The following DTNA variants were observed in gnomAD, a reference collection of about 807,000 sequenced individuals.
DTNA encodes dystrobrevin alpha.
A neutral mutation model predicts 100.7 loss-of-function variants in DTNA; 43 were observed. The observed-to-expected ratio is 0.43, with a 90% confidence interval of 0.33 to 0.55. DTNA has a LOEUF of 0.55. Among genes scored for constraint, DTNA ranks in the 20% least tolerant of loss-of-function variants. The pLI is 0.04. For synonymous variants in DTNA, 349 were observed against 347.9 expected, an observed-to-expected ratio of 1.00 and a Z score of -0.04; for missense variants, 798 against 953.9, an observed-to-expected ratio of 0.84 and a Z score of 2.15.
At chr18:34,549,459 TA>T (rs574848755) in intron 1 of DTNA, among the ~76,000 whole-genome samples, 1 of 151,998 alleles carries the variant, frequency 6.6e-6, no homozygotes, top group East Asian at 1.9e-4. Flanking sequence ...TAATGTTAAT[TA>T]AAAAGCTTCC....
intron 3 of DTNA, among the ~76,000 whole-genome samples, chr18:34,779,488 C>T (rs1342169190): frequency 1.3e-5 from 2 of 152,090 alleles, no homozygotes; most frequent in African/African-American, 4.8e-5. Context: ...TGGCCTAAAC[C>T]CAGTTTTTAT....
intron 8 of DTNA, chr18:34,818,747 A>G (rs1299006384): frequency 8.9e-6 from 6 of 674,468 alleles, no homozygotes; most frequent in Non-Finnish European, 1.2e-5. Flanking sequence ...TAAGTGCGTG[A>G]CTAGAATATT....
intron 1 of DTNA, among the ~76,000 whole-genome samples, chr18:34,588,924 A>G (rs2049408957): frequency 2.6e-5 from 4 of 151,628 alleles, no homozygotes; most frequent in Admixed American, 2.6e-4. Flanking sequence ...TTTTATAAAA[A>G]CTATCATTGT....
intron 9 of DTNA, among the ~76,000 whole-genome samples, chr18:34,823,096 C>G (rs1209169358): frequency 6.6e-6 from 1 of 152,034 alleles, no homozygotes; most frequent in East Asian, 1.9e-4. Flanking sequence ...GTTTCTTTTT[C>G]AAATGCTATT....
At chr18:34,821,517 C>T (rs2095717228) in intron 9 of DTNA, 2 of 456,276 alleles carry the variant, frequency 4.4e-6, no homozygotes, top group South Asian at 3.1e-5. Context: ...AACAAACAGT[C>T]CTTCCAGCCA....
intron 1 of DTNA, among the ~76,000 whole-genome samples, chr18:34,493,741 G>T (rs1329998284): frequency 4.7e-5 from 7 of 148,850 alleles, no homozygotes. Context: ...GGACACAGGC[G>T]GCTCGGCGCT....
At chr18:34,870,489 G>T (rs2096754493) in intron 17 of DTNA, among the ~76,000 whole-genome samples, 1 of 152,124 alleles carries the variant, frequency 6.6e-6, no homozygotes, top group Non-Finnish European at 1.5e-5. Flanking sequence ...GCAATATAAA[G>T]ATGATCGTCT....
intron 7 of DTNA, 104 bp from the exon 8 acceptor site, chr18:34,818,060 C>T (rs879040994): frequency 2.4e-5 from 39 of 1,600,816 alleles, no homozygotes; most frequent in African/African-American, 2.1e-4. Flanking sequence ...CATCTGAAAT[C>T]GTGGTGCAGA....
chr18:34,497,840 A>G (rs1206871166), intron 1 of DTNA, among the ~76,000 whole-genome samples: 2 of 152,216 alleles, frequency 1.3e-5, no homozygotes, highest in African/African-American at 4.8e-5. Context: ...TATATTATGT[A>G]TTTTTTAATT....
At chr18:34,878,668 C>T (rs1437143975) in intron 19 of DTNA, among the ~76,000 whole-genome samples, 4 of 152,160 alleles carry the variant, frequency 2.6e-5, no homozygotes, top group Non-Finnish European at 5.9e-5. Flanking sequence ...TTTGCAATGT[C>T]TCTGAAGATA....
chr18:34,597,367 C>T (rs1258269042), intron 1 of DTNA, among the ~76,000 whole-genome samples: 1 of 152,150 alleles, frequency 6.6e-6, no homozygotes, highest in Non-Finnish European at 1.5e-5. Flanking sequence ...AAATCCCGTG[C>T]TTTCCATTCT....
chr18:34,785,903 G>T (rs1330545693), intron 3 of DTNA, among the ~76,000 whole-genome samples: 2 of 152,164 alleles, frequency 1.3e-5, no homozygotes, highest in Non-Finnish European at 2.9e-5. Context: ...AACACTTATT[G>T]TATGAGAGAA....
intron 1 of DTNA, among the ~76,000 whole-genome samples, chr18:34,551,223 A>G (rs944987669): frequency 1.3e-5 from 2 of 152,128 alleles, no homozygotes; most frequent in African/African-American, 2.4e-5. Flanking sequence ...TTCCCACTCA[A>G]ACTCTTACAG....
chr18:34,634,929 A>G (rs1357899733), intron 1 of DTNA, among the ~76,000 whole-genome samples: 1 of 152,176 alleles, frequency 6.6e-6, no homozygotes, highest in Admixed American at 6.5e-5. Context: ...TTCTTGCATC[A>G]TCAGTGCAAA....
chr18:34,524,389 C>T (rs779200363), intron 1 of DTNA, among the ~76,000 whole-genome samples: 3 of 152,080 alleles, frequency 2.0e-5, no homozygotes, highest in East Asian at 1.9e-4. Flanking sequence ...TTATATTTAC[C>T]GTTAAAAATG....
Position 34,774,383 on chromosome 18 carries a change from C to T in DTNA, c.148+8342C>T, listed in dbSNP as rs78730365. 6.4e-3 allele frequency among the ~76,000 whole-genome samples: 981 copies of T among 152,296 alleles called. 5 individuals carry two copies. The highest frequency in any genetic ancestry group is 0.023 in the African/African-American group (940 of 41,568). On this transcript the variant is annotated intron_variant, in intron 3 of 22. Transcript: ENST00000444659. ...ACATTGTAAGAAAACAGAAGTCAGTCGGGAGGACAGGGATGGGAGAGCAGC... is the reference window on the plus strand; with the variant it reads ...ACATTGTAAGAAAACAGAAGTCAGTTGGGAGGACAGGGATGGGAGAGCAGC...
chr18:34,729,260 C>T (rs2087500459), intron 1 of DTNA, among the ~76,000 whole-genome samples: 2 of 152,216 alleles, frequency 1.3e-5, no homozygotes, highest in South Asian at 4.1e-4. Flanking sequence ...TGCTCAAGTA[C>T]ATGCAGGTAG....
At position 34,801,631 on chromosome 18, in the gene DTNA, C is replaced by T. The variant is rs546456133; in HGVS notation, c.363-4588C>T. ...GTTCAAGCAATTCCCCTGCCTCAGCCTCCGAAGTAGCTGGGACTACAGGTG... is the reference window on the plus strand; with the variant it reads ...GTTCAAGCAATTCCCCTGCCTCAGCTTCCGAAGTAGCTGGGACTACAGGTG... On this transcript the variant is annotated intron_variant, in intron 4 of 22. Transcript: ENST00000444659. Among the ~76,000 whole-genome samples the T allele has an allele frequency of 7.2e-5, 11 of 151,816 alleles. No individual in the cohort carries two copies. In the East Asian group the frequency reaches 1.8e-3, roughly 24 times the overall value.
intron 1 of DTNA, among the ~76,000 whole-genome samples, chr18:34,513,010 A>G (rs555714472): frequency 7.0e-4 from 107 of 152,224 alleles, no homozygotes; most frequent in African/African-American, 2.4e-3. Context: ...GCATGAATCT[A>G]ATAATCCATG....
Sources: allele counts gnomAD v4.1 joint callset (sites outside exome capture counted in the v4.1 genomes callset), GRCh38; gene constraint gnomAD v4.1.1; transcripts MANE v1.5; gene names NCBI Gene and HGNC (gene_info 2026-07-23, HGNC 2026-07-21).